Variants in FAM161B observed in about 807,000 individuals in gnomAD.
The protein encoded by FAM161B is FAM161 centrosomal protein B.
Under a neutral mutation model 61.5 loss-of-function variants are expected in FAM161B, and 46 were observed. The observed-to-expected ratio is 0.75, with a 90% CI of 0.59 to 0.96. The LOEUF (loss-of-function observed/expected upper bound fraction) is 0.96. Ranked by LOEUF, FAM161B falls within the 40% of genes least tolerant of loss-of-function variation. The pLI, the probability that FAM161B is intolerant of heterozygous loss-of-function variation, is 0.00. For missense variants in FAM161B, 774 were observed against 800.7 expected, an observed-to-expected ratio of 0.97 and a Z score of 0.40; for synonymous variants, 284 against 302.7, an observed-to-expected ratio of 0.94 and a Z score of 0.64.
chr14:73,935,552 A>T (rs1594774915), intron 8 of FAM161B, among the ~76,000 whole-genome samples: 2 of 132,008 alleles, frequency 1.5e-5, no homozygotes, highest in African/African-American at 6.4e-5. Context: ...AAAAAATAAA[A>T]AAAAAAAGGT....
intron 1 of FAM161B, among the ~76,000 whole-genome samples, chr14:73,948,707 C>T (rs1053024839): frequency 3.9e-5 from 6 of 152,226 alleles, no homozygotes; most frequent in African/African-American, 1.2e-4. Context: ...ACACCTTCAT[C>T]GCCCTTAAAA....
At chr14:73,943,334 T>C (rs561380543) in intron 3 of FAM161B, among the ~76,000 whole-genome samples, 50 of 152,328 alleles carry the variant, frequency 3.3e-4, no homozygotes, top group African/African-American at 1.1e-3. Flanking sequence ...CTTGCTGCCC[T>C]CTCAGATTAT....
chr14:73,944,554 G>A lies in FAM161B; in HGVS notation c.706C>T (p.Arg236Cys), dbSNP rs139074103. The change falls in exon 3 of 9, where the codon CGC becomes TGC. Residue 236 changes from arginine (R) to cysteine (C), a missense_variant. Coordinates refer to ENST00000286544, the MANE Select transcript of FAM161B (RefSeq NM_152445.3). ...CCTGCCTGCCTTCGGGCCTCGCTGC[G>A]CTCCATGATCTCTTGGTAGAGGGGC... ...YLPLYQEIME[R>C]SEARRQAGIQ... The A allele has an allele frequency of 2.6e-4, 420 of 1,614,110 alleles. 3 individuals carry two copies. In the East Asian group the frequency reaches 8.9e-3, roughly 34 times the overall value.
At chr14:73,935,035 C>T (rs1282680215) in intron 8 of FAM161B, among the ~76,000 whole-genome samples, 1 of 149,872 alleles carries the variant, frequency 6.7e-6, no homozygotes, top group Admixed American at 6.7e-5. Context: ...TGCACTCCAA[C>T]CTGGCGACGG....
the FAM161B span, among the ~76,000 whole-genome samples, chr14:73,925,376 C>CGTCGAA: frequency 1.3e-5 from 2 of 151,292 alleles, no homozygotes; most frequent in Non-Finnish European, 2.9e-5. Flanking sequence ...GATAAACCCA[C>CGTCGAA]GTCGAAGTCG....
At chr14:73,936,915 CAG>C (rs1309626646) in intron 7 of FAM161B, among the ~76,000 whole-genome samples, 3 of 152,304 alleles carry the variant, frequency 2.0e-5, no homozygotes, top group East Asian at 3.9e-4. Context: ...GCAGTAGAAA[CAG>C]AGCATCCTTA....
intron 1 of FAM161B, 118 bp downstream of exon 1, chr14:73,949,855 G>T (rs2056118373): frequency 1.4e-6 from 2 of 1,422,422 alleles, no homozygotes; most frequent in East Asian, 2.3e-5. Flanking sequence ...GTCCCTAAAC[G>T]CTCATTTTAA....
intron 1 of FAM161B, 162 bp downstream of exon 1, chr14:73,949,811 A>G (rs750279485): frequency 2.5e-5 from 24 of 978,058 alleles, no homozygotes; most frequent in Non-Finnish European, 2.8e-5. Context: ...AAAGTCCGAG[A>G]GGTTCAGGTC....
chr14:73,937,901 T>C (rs1594775655), intron 6 of FAM161B, 47 bp downstream of exon 6: 3 of 1,610,866 alleles, frequency 1.9e-6, no homozygotes, highest in Non-Finnish European at 2.5e-6. Context: ...CAGTGGTCTG[T>C]TGGATCCCAA....
intron 1 of FAM161B, 127 bp downstream of exon 1, chr14:73,949,846 T>TCCCC (rs1423087498): frequency 1.5e-6 from 2 of 1,349,212 alleles, no homozygotes; most frequent in Non-Finnish European, 2.0e-6. Context: ...CGCCTCCTGG[T>TCCCC]CCCTAAACGC....
chr14:73,940,722 C>A (rs1432272339), intron 5 of FAM161B, among the ~76,000 whole-genome samples: 1 of 152,224 alleles, frequency 6.6e-6, no homozygotes, highest in Non-Finnish European at 1.5e-5. Context: ...AGAATAAGCC[C>A]ACTATGAATA....
intron 5 of FAM161B, among the ~76,000 whole-genome samples, chr14:73,939,760 T>C (rs2140344722): frequency 1.3e-5 from 2 of 152,376 alleles, no homozygotes; most frequent in East Asian, 3.9e-4. Context: ...AAGTAATATG[T>C]TGAGTTCTTC....
At chr14:73,941,135 C>CA (rs1393348210) in intron 4 of FAM161B, 82 bp from the exon 5 acceptor site, 38 of 1,337,628 alleles carry the variant, frequency 2.8e-5, no homozygotes, top group Middle Eastern at 2.5e-4. Flanking sequence ...TTTTTTGAGA[C>CA]AGAGTCTCGT....
intron 4 of FAM161B, 146 bp downstream of exon 4, chr14:73,942,223 T>C (rs182875609): frequency 7.8e-4 from 612 of 781,424 alleles, no homozygotes; most frequent in Admixed American, 2.4e-3. Context: ...CTGGAGTTTA[T>C]AGGAAAGTGA....
At chr14:73,936,496 TAGA>T (rs2055971738) in intron 7 of FAM161B, among the ~76,000 whole-genome samples, 1 of 152,096 alleles carries the variant, frequency 6.6e-6, no homozygotes, top group South Asian at 2.1e-4. Context: ...TAAAATAAAA[TAGA>T]AAATAAGCTA....
rs768558270 is a variant in FAM161B, at chr14:73,944,395, T to C, written c.865A>G (p.Lys289Glu). 3.1e-6 allele frequency: 5 copies of C among 1,607,420 alleles called. No homozygotes were observed. The Admixed American group carries it at 8.4e-5, about 27-fold the overall frequency. ...GACTTGGGAATCCTTCTGGTGGCCTTCTGCTTGGAGATCTTGGCTTCAGCT... is the reference window on the plus strand; with the variant it reads ...GACTTGGGAATCCTTCTGGTGGCCTCCTGCTTGGAGATCTTGGCTTCAGCT... ...ATAEAKISKQKATRRIPKSIL... is the reference protein window; with the variant it reads ...ATAEAKISKQEATRRIPKSIL... Residue 289 changes from lysine to glutamate, a missense_variant, in exon 3 of 9, where the codon AAG becomes GAG. Coordinates refer to ENST00000286544, the MANE Select transcript of FAM161B (RefSeq NM_152445.3).
At position 73,932,521 on chromosome 14, in the gene FAM161B, A is replaced by C. The variant is rs2055931836; in HGVS notation, c.*1735T>G. On this transcript the variant is annotated 3_prime_UTR_variant, in exon 9 of 9. Coordinates refer to ENST00000286544, the MANE Select transcript of FAM161B (RefSeq NM_152445.3). ...AAAACAGATACTTCTGAATTTTTCC[A>C]CAAAGATAGTTTTTTTAAAAAAGCT... 6.8e-6 allele frequency: 3 copies of C among 443,938 alleles called. No individual in the cohort carries two copies. Among genetic ancestry groups the C allele is most frequent in the African/African-American group, 6.1e-5 (3 of 49,018 alleles). The allele number at this position is 443,938 out of a possible 1,614,324, so 27.5% of individuals were successfully genotyped here. A position where few individuals can be genotyped will look rare whatever the true frequency, so the allele number is the denominator to read the frequency against.
In FAM161B at chr14:73,941,031, G is replaced by A. The variant is rs201171936; in HGVS notation, c.1295C>T (p.Thr432Ile). ...CAGAGAACGACTCCTTGGCAGGGGT[G>A]TAGCTGGTGGCTGTGGGGAATCCTA... ...RRQDSPQPPATPLPRSRSLSG... is the reference protein window; with the variant it reads ...RRQDSPQPPAIPLPRSRSLSG... Residue 432 changes from threonine to isoleucine, a missense_variant, in exon 5 of 9, where the codon ACA becomes ATA. Coordinates refer to ENST00000286544, the MANE Select transcript of FAM161B (RefSeq NM_152445.3). 51 of 1,609,564 alleles carry A rather than the reference G, an allele frequency of 3.2e-5. No individual in the cohort carries two copies. The East Asian group carries it at 1.1e-3, about 36-fold the overall frequency.
intron 3 of FAM161B, 51 bp downstream of exon 3, chr14:73,944,284 G>T: frequency 6.5e-7 from 1 of 1,531,760 alleles, no homozygotes; most frequent in Non-Finnish European, 8.8e-7. Flanking sequence ...TCCCTATGGT[G>T]GGATTGGTTC....
Sources: allele counts gnomAD v4.1 joint callset (sites outside exome capture counted in the v4.1 genomes callset), GRCh38; gene constraint gnomAD v4.1.1; transcripts MANE v1.5; gene names NCBI Gene and HGNC (gene_info 2026-07-23, HGNC 2026-07-21).